TEX11: variants seen among roughly 807,000 people sequenced by gnomAD.
The protein encoded by TEX11 is testis-expressed protein 11.
In TEX11, 7 loss-of-function variants were observed where a neutral mutation model predicts 84.4. The observed-to-expected ratio is 0.08, with a 90% CI of 0.05 to 0.16. The LOEUF (loss-of-function observed/expected upper bound fraction) is 0.16, where lower values mean the gene tolerates loss of function less well. TEX11 is among the 10% of genes least tolerant of loss of function. TEX11 has a pLI of 1.00. For synonymous variants in TEX11, 264 were observed against 222.8 expected (o/e 1.18, Z -1.64); for missense variants, 551 against 660.5 (o/e 0.83, Z 1.82).
chrX:70,741,761 T>A (rs2090735450), intron 10 of TEX11, among the ~76,000 whole-genome samples: 1 of 110,731 alleles, frequency 9.0e-6, no homozygotes, highest in South Asian at 3.9e-4. Flanking sequence ...TGGAGTCATT[T>A]TCTTCCTCCC....
intron 20 of TEX11, 21 bp downstream of exon 20, chrX:70,623,929 A>AT (rs1262337094): frequency 1.7e-6 from 2 of 1,183,162 alleles, no homozygotes; most frequent in Non-Finnish European, 2.3e-6. Context: ...GGAATACATC[A>AT]TTTTTGTTGA....
chrX:70,673,818 T>C (rs1223689887), intron 15 of TEX11, among the ~76,000 whole-genome samples: 1 of 112,180 alleles, frequency 8.9e-6, no homozygotes, highest in African/African-American at 3.2e-5. Context: ...TAGATTACTG[T>C]AGCTATATAA....
At chrX:70,765,368 T>C (rs1356233514) in intron 9 of TEX11, among the ~76,000 whole-genome samples, 1 of 111,394 alleles carries the variant, frequency 9.0e-6, no homozygotes, top group Non-Finnish European at 1.9e-5. Flanking sequence ...CACTCCAGCC[T>C]GGGTGACAGA....
chrX:70,794,832 TG>T (rs1266705677), intron 9 of TEX11, among the ~76,000 whole-genome samples: 1 of 109,249 alleles, frequency 9.2e-6, no homozygotes, highest in Non-Finnish European at 1.9e-5. Context: ...AGCCAAGTAG[TG>T]CATACCATAG....
At chrX:70,777,935 C>T (rs1483768755) in intron 9 of TEX11, among the ~76,000 whole-genome samples, 1 of 111,853 alleles carries the variant, frequency 8.9e-6, no homozygotes, top group Non-Finnish European at 1.9e-5. Context: ...ATTAATTTCT[C>T]CAACCAAAAG....
At chrX:70,885,882 C>A (rs1236447599) in intron 2 of TEX11, among the ~76,000 whole-genome samples, 1 of 79,597 alleles carries the variant, frequency 1.3e-5, no homozygotes, top group African/African-American at 5.8e-5. Flanking sequence ...GAGTGAGACA[C>A]TGCCACAAAA....
chrX:70,701,171 T>A (rs1017742096), intron 13 of TEX11, among the ~76,000 whole-genome samples: 7 of 112,441 alleles, frequency 6.2e-5, no homozygotes, highest in African/African-American at 1.9e-4. Context: ...ATTTTCAACA[T>A]AGATGAAACA....
At chrX:70,516,607 C>T in the TEX11 span, among the ~76,000 whole-genome samples, 1 of 111,539 alleles carries the variant, frequency 9.0e-6, no homozygotes. Flanking sequence ...AATGCGGGCT[C>T]TTTTTTGGTT....
chrX:70,695,646 A>G (rs1219762707), intron 13 of TEX11, among the ~76,000 whole-genome samples: 2 of 112,230 alleles, frequency 1.8e-5, no homozygotes, highest in Non-Finnish European at 3.8e-5. Context: ...AAGCTGTTTT[A>G]AAAAACAACA....
At chrX:70,794,515 C>G (rs2091144266) in intron 9 of TEX11, among the ~76,000 whole-genome samples, 1 of 109,743 alleles carries the variant, frequency 9.1e-6, no homozygotes, top group Admixed American at 9.8e-5. Flanking sequence ...CCTACCCTGC[C>G]CCTCCCCCAA....
intron 11 of TEX11, among the ~76,000 whole-genome samples, chrX:70,733,064 T>TA (rs1300757773): frequency 5.4e-5 from 6 of 111,995 alleles, no homozygotes; most frequent in Non-Finnish European, 9.4e-5. Flanking sequence ...GGATTCCCAA[T>TA]TTAATAAATG....
At chrX:70,760,383 C>T (rs149145075) in intron 9 of TEX11, among the ~76,000 whole-genome samples, 193 of 111,727 alleles carry the variant, frequency 1.7e-3, no homozygotes, top group African/African-American at 6.1e-3. Context: ...GCCACAATAA[C>T]CAAAACAGCA....
chrX:70,773,891 G>A (rs2090985791), intron 9 of TEX11, among the ~76,000 whole-genome samples: 1 of 111,373 alleles, frequency 9.0e-6, no homozygotes, highest in African/African-American at 3.3e-5. Context: ...GGCCAAGATT[G>A]GCTGCGAGCT....
intron 26 of TEX11, among the ~76,000 whole-genome samples, chrX:70,554,031 T>C (rs2088254380): frequency 9.0e-6 from 1 of 111,425 alleles, no homozygotes; most frequent in Non-Finnish European, 1.9e-5. Context: ...TCTTGTGCAC[T>C]TGGAGCTACC....
chrX:70,627,200 G>A (rs2089459643), intron 18 of TEX11, among the ~76,000 whole-genome samples: 1 of 112,175 alleles, frequency 8.9e-6, no homozygotes, highest in South Asian at 3.7e-4. Flanking sequence ...AGTAAATATA[G>A]GCAAATCTTT....
rs539454489 is a variant in TEX11, at chrX:70,873,805, T to G, written c.160-498A>C. 4.4e-5 allele frequency among the ~76,000 whole-genome samples: 5 copies of G among 112,489 alleles called. No homozygotes were observed. The South Asian group carries it at 1.8e-3, about 41-fold the overall frequency. ...AAATGTATGTTAGTTTTAAGTCTTT[T>G]CTTCCATGCCACTTTTCTCACTTAC... On this transcript the variant is annotated intron_variant, in intron 3 of 29. Coordinates refer to ENST00000374333, the MANE Select transcript of TEX11 (RefSeq NM_031276.3).
chrX:70,724,515 A>G (rs1236565616), intron 12 of TEX11, among the ~76,000 whole-genome samples: 1 of 111,887 alleles, frequency 8.9e-6, no homozygotes, highest in African/African-American at 3.2e-5. Context: ...CAGCTCTTAA[A>G]GATTACTGAA....
Position 70,528,950 on chromosome X carries a change from A to G in TEX11, c.*145T>C, listed in dbSNP as rs769098328. The G allele has an allele frequency of 1.0e-3, 468 of 468,989 alleles. 3 individuals are homozygous for G. The South Asian group carries it at 0.016, about 16-fold the overall frequency. The allele number at this position is 468,989 out of a possible 1,213,427, so 38.6% of individuals were successfully genotyped here. A position where few individuals can be genotyped will look rare whatever the true frequency, so the allele number is the denominator to read the frequency against. On this transcript the variant is annotated 3_prime_UTR_variant, in exon 30 of 30. Transcript: ENST00000374333. ...AGCTGGTCACCAAGGTAAATTCAGC[A>G]TGCTTTTATTTTAGAAAGTTTATTC...
intron 17 of TEX11, among the ~76,000 whole-genome samples, chrX:70,632,869 A>T (rs1388491521): frequency 8.9e-6 from 1 of 111,951 alleles, no homozygotes; most frequent in African/African-American, 3.2e-5. Context: ...CTAAATCAAT[A>T]AATAATAGAT....
Sources: allele counts gnomAD v4.1 joint callset (sites outside exome capture counted in the v4.1 genomes callset), GRCh38; gene constraint gnomAD v4.1.1; transcripts MANE v1.5; gene names NCBI Gene and HGNC (gene_info 2026-07-23, HGNC 2026-07-21).